Variants in ZNG1E observed in about 807,000 individuals in gnomAD.
ZNG1E encodes the protein Zn regulated GTPase metalloprotein activator 1E, also known as zinc-regulated GTPase metalloprotein activator 1E.
the ZNG1E span, among the ~76,000 whole-genome samples, chr9:65,660,608 T>C: frequency 6.6e-6 from 1 of 151,932 alleles, no homozygotes; most frequent in Non-Finnish European, 1.5e-5. Flanking sequence ...TAAGGCTAAA[T>C]AAACAAACTC....
At chr9:65,659,646 A>C in the ZNG1E span, among the ~76,000 whole-genome samples, 1 of 152,204 alleles carries the variant, frequency 6.6e-6, no homozygotes, top group East Asian at 1.9e-4. Context: ...ATAGTCACAA[A>C]AGGAGTATGA....
chr9:65,706,901 A>C, the ZNG1E span: 1 of 143,192 alleles, frequency 7.0e-6, no homozygotes, highest in Non-Finnish European at 1.5e-5. Flanking sequence ...TGGCATGTGT[A>C]AACTTTATTA....
At chr9:65,668,224 C>G in the ZNG1E span, among the ~76,000 whole-genome samples, 1 of 151,956 alleles carries the variant, frequency 6.6e-6, no homozygotes, top group African/African-American at 2.4e-5. Context: ...GAGACTTAGT[C>G]TAAACAGGAA....
chr9:65,673,800 G>A, the ZNG1E span, among the ~76,000 whole-genome samples: 3 of 152,298 alleles, frequency 2.0e-5, no homozygotes, highest in Admixed American at 2.0e-4. Flanking sequence ...GTGAGACCCT[G>A]TCTCAAAAAA....
the ZNG1E span, among the ~76,000 whole-genome samples, chr9:65,674,893 C>T: frequency 7.1e-6 from 1 of 140,374 alleles, no homozygotes; most frequent in Non-Finnish European, 1.5e-5. Flanking sequence ...AAGAGCAAAA[C>T]CTGGAACAAT....
the ZNG1E span, among the ~76,000 whole-genome samples, chr9:65,684,554 A>ACG: frequency 1.4e-4 from 20 of 145,060 alleles, no homozygotes; most frequent in East Asian, 1.7e-3. Flanking sequence ...ACGCACGCAC[A>ACG]CACACACACA....
chr9:65,709,963 CCCG>C, the ZNG1E span, among the ~76,000 whole-genome samples: 2 of 151,048 alleles, frequency 1.3e-5, no homozygotes, highest in Non-Finnish European at 2.9e-5. Context: ...AGTTTACAGT[CCCG>C]CCAACAGTGT....
the ZNG1E span, among the ~76,000 whole-genome samples, chr9:65,698,899 AT>A: frequency 2.8e-5 from 4 of 140,436 alleles, no homozygotes; most frequent in Non-Finnish European, 6.1e-5. Flanking sequence ...TGTAATAATA[AT>A]TATTATTATT....
the ZNG1E span, among the ~76,000 whole-genome samples, chr9:65,729,741 C>T: frequency 2.1e-5 from 1 of 47,708 alleles, no homozygotes; most frequent in East Asian, 4.1e-4. Flanking sequence ...ATACAAATGG[C>T]CAATAAACAT....
At chr9:65,701,223 CATTAGATTTTGA>C in the ZNG1E span, 2 of 147,012 alleles carry the variant, frequency 1.4e-5, no homozygotes, top group Non-Finnish European at 3.0e-5. Context: ...GTTCTACTGA[CATTAGATTTTGA>C]ATCTGTCATC....
At chr9:65,684,406 G>T in the ZNG1E span, among the ~76,000 whole-genome samples, 1 of 147,196 alleles carries the variant, frequency 6.8e-6, no homozygotes, top group Non-Finnish European at 1.5e-5. Context: ...GCGTTGTGGC[G>T]CACCCCATAA....
chr9:65,714,681 C>T, the ZNG1E span, among the ~76,000 whole-genome samples: 1 of 152,002 alleles, frequency 6.6e-6, no homozygotes, highest in Non-Finnish European at 1.5e-5. Flanking sequence ...GGGGTGCCTC[C>T]CAGTTACCTC....
At chr9:65,688,259 ATAAT>A in the ZNG1E span, 43 of 138,544 alleles carry the variant, frequency 3.1e-4, no homozygotes, top group East Asian at 1.2e-3. Flanking sequence ...ATAATTAAAA[ATAAT>A]TAATTGGTTA....
chr9:65,660,656 T>A, the ZNG1E span, among the ~76,000 whole-genome samples: 4 of 151,678 alleles, frequency 2.6e-5, no homozygotes, highest in African/African-American at 9.7e-5. Context: ...CTTACAAGAA[T>A]GAAGCTATTG....
At chr9:65,662,710 A>G in the ZNG1E span, among the ~76,000 whole-genome samples, 1 of 152,046 alleles carries the variant, frequency 6.6e-6, no homozygotes, top group Non-Finnish European at 1.5e-5. Flanking sequence ...AAGTTCTTAC[A>G]TGAAGTAATA....
the ZNG1E span, among the ~76,000 whole-genome samples, chr9:65,680,574 C>T: frequency 1.6e-4 from 24 of 152,266 alleles, no homozygotes; most frequent in Non-Finnish European, 3.1e-4. Context: ...TAATACCTAG[C>T]TGAAATATAA....
chr9:65,699,234 A>G, the ZNG1E span, among the ~76,000 whole-genome samples: 3 of 147,742 alleles, frequency 2.0e-5, no homozygotes, highest in East Asian at 5.9e-4. Context: ...GAACTTAAGT[A>G]TTTTTGTAAC....
chr9:65,660,701 G>T, the ZNG1E span, among the ~76,000 whole-genome samples: 1 of 151,412 alleles, frequency 6.6e-6, no homozygotes, highest in Non-Finnish European at 1.5e-5. Context: ...TGGGGCCTTG[G>T]CAACATCAAT....
chr9:65,664,778 A>C, the ZNG1E span, among the ~76,000 whole-genome samples: 1 of 152,202 alleles, frequency 6.6e-6, no homozygotes, highest in African/African-American at 2.4e-5. Flanking sequence ...ACTTTGCCCA[A>C]AATGCTGATA....
Sources: allele counts gnomAD v4.1 joint callset (sites outside exome capture counted in the v4.1 genomes callset), GRCh38; gene constraint gnomAD v4.1.1; transcripts MANE v1.5; gene names NCBI Gene and HGNC (gene_info 2026-07-23, HGNC 2026-07-21).